MAP3K20: variants seen among roughly 807,000 people sequenced by gnomAD.
MAP3K20 encodes the protein mitogen-activated protein kinase kinase kinase 20.
Under a neutral mutation model 85.7 loss-of-function variants are expected in MAP3K20, and 40 were observed. That is an observed-to-expected ratio of 0.47 (90% CI 0.36 to 0.61). The LOEUF (loss-of-function observed/expected upper bound fraction) is 0.61, where lower values mean the gene tolerates loss of function less well. Ranked by LOEUF, MAP3K20 falls within the 20% of genes least tolerant of loss-of-function variation. The probability of loss-of-function intolerance (pLI) is 0.00; values close to 1 mark genes in which losing one functional copy is unlikely to be tolerated. For synonymous variants in MAP3K20, 325 were observed against 327.7 expected (o/e 0.99, Z 0.09); for missense variants, 817 against 961.7 (o/e 0.85, Z 1.99).
At chr2:173,220,604 T>G (rs1684217269) in intron 11 of MAP3K20, among the ~76,000 whole-genome samples, 1 of 152,168 alleles carries the variant, frequency 6.6e-6, no homozygotes, top group Non-Finnish European at 1.5e-5. Flanking sequence ...GACTAATTTT[T>G]AGTGTATATT....
intron 17 of MAP3K20, among the ~76,000 whole-genome samples, chr2:173,259,882 A>G (rs820010): frequency 0.98 from 148,985 of 152,326 alleles, 72,936 homozygotes; most frequent in East Asian, 1. Flanking sequence ...CCCCACCCAT[A>G]CCACGGAGTT....
chr2:173,103,869 CTG>C (rs1490018519), intron 2 of MAP3K20, among the ~76,000 whole-genome samples: 3 of 152,118 alleles, frequency 2.0e-5, no homozygotes, highest in African/African-American at 7.2e-5. Context: ...CACTAGGAAA[CTG>C]TGACCTGAAC....
intron 16 of MAP3K20, among the ~76,000 whole-genome samples, chr2:173,252,160 G>A (rs1319142045): frequency 6.6e-6 from 1 of 151,838 alleles, no homozygotes; most frequent in Non-Finnish European, 1.5e-5. Flanking sequence ...TCTTCCTTGT[G>A]GGAGATCACT....
chr2:173,216,510 G>GTTT (rs35988775), intron 10 of MAP3K20, among the ~76,000 whole-genome samples: 17 of 148,968 alleles, frequency 1.1e-4, no homozygotes, highest in African/African-American at 2.7e-4. Flanking sequence ...GTTCTGGTGT[G>GTTT]TTTTTTTTTT....
At chr2:173,264,781 T>C (rs111512917) in intron 19 of MAP3K20, among the ~76,000 whole-genome samples, 61 of 151,896 alleles carry the variant, frequency 4.0e-4, no homozygotes, top group Middle Eastern at 3.4e-3. Context: ...TCATGTGACG[T>C]ATGTAAAGTA....
At chr2:173,194,765 G>GT (rs67949386) in intron 7 of MAP3K20, among the ~76,000 whole-genome samples, 45,408 of 148,914 alleles carry the variant, frequency 0.3, 8,484 homozygotes, top group Non-Finnish European at 0.43. Context: ...TAAAAAAAAG[G>GT]TTTTTTTTTT....
chr2:173,266,888 T>C lies in MAP3K20; in HGVS notation c.*138T>C, dbSNP rs1685439894. Reference sequence around the variant, plus strand: ...CCAGTTTTTGGATTGGGAAATACCTTCTAATTGAGACTATAGCCAAACCAG... The same window carrying C: ...CCAGTTTTTGGATTGGGAAATACCTCCTAATTGAGACTATAGCCAAACCAG... On this transcript the variant is annotated 3_prime_UTR_variant, in exon 20 of 20. Transcript: ENST00000375213. 1 of 904,402 alleles carries C rather than the reference T, an allele frequency of 1.1e-6. No homozygotes were observed. The highest frequency in any genetic ancestry group is 1.5e-6 in the Non-Finnish European group (1 of 648,026). The allele number at this position is 904,402 out of a possible 1,614,324, so 56.0% of individuals were successfully genotyped here.
At chr2:173,187,688 T>G in intron 5 of MAP3K20, 65 bp downstream of exon 5, 1 of 1,385,888 alleles carries the variant, frequency 7.2e-7, no homozygotes, top group Non-Finnish European at 1.0e-6. Flanking sequence ...CATGTAGAAA[T>G]GAGCATCATT....
At chr2:173,122,680 A>G (rs886870953) in intron 2 of MAP3K20, among the ~76,000 whole-genome samples, 5 of 152,102 alleles carry the variant, frequency 3.3e-5, no homozygotes, top group Admixed American at 3.3e-4. Flanking sequence ...TTGTTGTTAT[A>G]TAGATTATAC....
chr2:173,263,867 T>C lies in MAP3K20; in HGVS notation c.1674T>C (p.Asp558=), dbSNP rs16861466. ...LAIQTLFTNS[D]GNPGSRSDSS... ...TTCAGACATTATTCACCAATTCAGA[T>C]GGCAACCCTGGAAGCAGGTCCGACT... is the stretch of plus-strand genomic sequence containing the variant. Residue 558 remains aspartate, a synonymous_variant, in exon 19 of 20, where the codon GAT becomes GAC. Transcript: ENST00000375213. 73,791 of 1,612,264 alleles carry C rather than the reference T, an allele frequency of 0.046. 1,864 individuals are homozygous for C. Among genetic ancestry groups the C allele is most frequent in the Admixed American group, 0.09 (5,359 of 59,380 alleles).
chr2:173,164,797 C>T (rs1051437614), intron 2 of MAP3K20, among the ~76,000 whole-genome samples: 2 of 152,156 alleles, frequency 1.3e-5, no homozygotes, highest in African/African-American at 2.4e-5. Context: ...CTGAATCAGT[C>T]GTTTGGAACC....
At chr2:173,141,212 A>AATTAT (rs71018536) in intron 2 of MAP3K20, among the ~76,000 whole-genome samples, 147,388 of 152,072 alleles carry the variant, frequency 0.97, 71,473 homozygotes, top group Admixed American at 0.99. Flanking sequence ...TTTTATACTA[A>AATTAT]ATTCTCGTGT....
rs1488066469 is a variant in MAP3K20, at chr2:173,233,345, AG to A, written c.1203+888del. Among the ~76,000 whole-genome samples, 17 of 152,384 alleles carry A rather than the reference AG, an allele frequency of 1.1e-4. No individual in the cohort carries two copies. In the East Asian group the frequency reaches 3.1e-3, roughly 28 times the overall value. Reference sequence around the variant, plus strand: ...TATGTGTTTTAATCCCCACTTACTCAGGAAGTTCTAACATTTCCCCCAAAAC... The same window carrying A: ...TATGTGTTTTAATCCCCACTTACTCAGAAGTTCTAACATTTCCCCCAAAAC... On this transcript the variant is annotated intron_variant, in intron 14 of 19. Coordinates refer to ENST00000375213, the MANE Select transcript of MAP3K20 (RefSeq NM_016653.3).
At chr2:173,264,643 A>T (rs991028948) in intron 19 of MAP3K20, among the ~76,000 whole-genome samples, 1 of 152,216 alleles carries the variant, frequency 6.6e-6, no homozygotes, top group African/African-American at 2.4e-5. Flanking sequence ...GAATGCAGTC[A>T]ACTCTCCCGA....
Position 173,266,669 on chromosome 2 carries a change from GA to G in MAP3K20, c.2327del (p.Lys776SerfsTer56). The G allele has an allele frequency of 1.2e-6, 2 of 1,609,718 alleles. No individual in the cohort carries two copies. Among genetic ancestry groups the G allele is most frequent in the Middle Eastern group, 1.7e-4 (1 of 6,012 alleles). On this transcript the variant is annotated frameshift_variant, in exon 20 of 20. Transcript: ENST00000375213. LOFTEE classifies it low-confidence loss of function (END_TRUNC). The stretch of plus-strand genomic sequence containing the variant: ...GGGGCTGGACAAAAGTGGAATACCG[GA>G]AAAAGCCCCACAGGCCATCTCCCGC... The part of the protein sequence containing the change: ...EGGWTKVEYR[K>X]KPHRPSPAKT...
At chr2:173,150,594 T>C (rs1049002929) in intron 2 of MAP3K20, among the ~76,000 whole-genome samples, 3 of 152,162 alleles carry the variant, frequency 2.0e-5, no homozygotes, top group Admixed American at 6.5e-5. Context: ...TGAGACAAAG[T>C]CTTGTCCTGT....
At chr2:173,236,892 G>A (rs1181442348) in intron 14 of MAP3K20, among the ~76,000 whole-genome samples, 2 of 152,108 alleles carry the variant, frequency 1.3e-5, no homozygotes, top group Admixed American at 6.5e-5. Flanking sequence ...CTGATGGTAA[G>A]AATGCATCCT....
At chr2:173,134,406 A>T (rs1688720956) in intron 2 of MAP3K20, among the ~76,000 whole-genome samples, 1 of 7,260 alleles carries the variant, frequency 1.4e-4, no homozygotes, top group Admixed American at 1.5e-3. Flanking sequence ...ATATATATAT[A>T]TATATATATA....
At chr2:173,260,896 A>C (rs1443941315) in intron 17 of MAP3K20, among the ~76,000 whole-genome samples, 167 bp from the exon 18 acceptor site, 2 of 152,234 alleles carry the variant, frequency 1.3e-5, no homozygotes, top group Non-Finnish European at 2.9e-5. Flanking sequence ...AACTTCAAAC[A>C]TTAGCATGTT....
Sources: gnomAD v4.1 joint callset for allele counts (sites outside exome capture counted in the v4.1 genomes callset) on GRCh38, gnomAD v4.1.1 for gene constraint, MANE v1.5 for transcripts, NCBI Gene and HGNC (gene_info 2026-07-23, HGNC 2026-07-21) for gene names.